EHBP1: variants seen among roughly 807,000 people sequenced by gnomAD.
EHBP1 encodes EH domain binding protein 1.
In EHBP1, 55 loss-of-function variants were observed where a neutral mutation model predicts 144.0. The ratio of observed to expected loss-of-function variants is 0.38; its 90% CI spans 0.31 to 0.48. The LOEUF (loss-of-function observed/expected upper bound fraction) is 0.48, where lower values mean the gene tolerates loss of function less well. Among genes scored for constraint, EHBP1 ranks in the 20% least tolerant of loss-of-function variants. The pLI is 0.98. For synonymous variants in EHBP1, 469 were observed against 472.7 expected (o/e 0.99, Z 0.10); for missense variants, 1,200 against 1,364.2 (o/e 0.88, Z 1.90).
chr2:62,830,212 A>ACG (rs2046729252), intron 6 of EHBP1, among the ~76,000 whole-genome samples: 2 of 22,716 alleles, frequency 8.8e-5, no homozygotes, highest in Admixed American at 1.0e-3. Context: ...ATACACATAT[A>ACG]CACACACACA....
intron 5 of EHBP1, among the ~76,000 whole-genome samples, chr2:62,785,184 T>C (rs2042717549): frequency 6.6e-6 from 1 of 152,160 alleles, no homozygotes; most frequent in East Asian, 1.9e-4. Context: ...TTTAGAATGC[T>C]GTTTGCAAAC....
At chr2:62,981,332 G>A (rs1026603919) in intron 15 of EHBP1, among the ~76,000 whole-genome samples, 1 of 152,008 alleles carries the variant, frequency 6.6e-6, no homozygotes, top group South Asian at 2.1e-4. Context: ...TTATATCTTT[G>A]AGTCATGGAA....
intron 5 of EHBP1, among the ~76,000 whole-genome samples, chr2:62,782,485 C>T (rs376186418): frequency 6.6e-6 from 1 of 152,022 alleles, no homozygotes; most frequent in Admixed American, 6.6e-5. Context: ...TAAAGACATA[C>T]CTGAGACTGG....
intron 5 of EHBP1, among the ~76,000 whole-genome samples, chr2:62,797,012 A>G (rs1483829858): frequency 2.0e-5 from 3 of 152,182 alleles, no homozygotes; most frequent in African/African-American, 4.8e-5. Flanking sequence ...TTGGAGCCCT[A>G]TGAAAGGATC....
chr2:62,897,883 C>T (rs1163293052), intron 10 of EHBP1, among the ~76,000 whole-genome samples: 2 of 152,086 alleles, frequency 1.3e-5, no homozygotes, highest in Non-Finnish European at 2.9e-5. Flanking sequence ...TGGAAATGTT[C>T]TGTATCTGCA....
chr2:62,991,738 C>T (rs2059422594), intron 16 of EHBP1, among the ~76,000 whole-genome samples: 1 of 152,198 alleles, frequency 6.6e-6, no homozygotes, highest in South Asian at 2.1e-4. Context: ...AGGGCACTTC[C>T]AGTCCTGTAT....
chr2:62,985,589 TA>T (rs1435374659), intron 15 of EHBP1, among the ~76,000 whole-genome samples: 1 of 152,174 alleles, frequency 6.6e-6, no homozygotes, highest in Non-Finnish European at 1.5e-5. Flanking sequence ...AGGCTCTCTA[TA>T]GTTTTGCCTT....
At chr2:62,820,968 A>G (rs1309296877) in intron 5 of EHBP1, among the ~76,000 whole-genome samples, 1 of 151,144 alleles carries the variant, frequency 6.6e-6, no homozygotes, top group Non-Finnish European at 1.5e-5. Flanking sequence ...AGTATAGGAT[A>G]TTCATTTTAT....
intron 5 of EHBP1, among the ~76,000 whole-genome samples, chr2:62,793,134 A>T (rs974931160): frequency 1.3e-5 from 2 of 152,098 alleles, no homozygotes; most frequent in African/African-American, 4.8e-5. Context: ...AGGGTAGATT[A>T]AGTTCATAAA....
At chr2:62,812,783 C>A (rs1054740887) in intron 5 of EHBP1, among the ~76,000 whole-genome samples, 1 of 151,890 alleles carries the variant, frequency 6.6e-6, no homozygotes, top group African/African-American at 2.4e-5. Context: ...CTTTTCACTG[C>A]GTGTAGTGAG....
chr2:63,025,981 G>A (rs950261648), intron 19 of EHBP1, among the ~76,000 whole-genome samples: 2 of 152,154 alleles, frequency 1.3e-5, no homozygotes, highest in Admixed American at 6.5e-5. Flanking sequence ...TGGGTAATGC[G>A]TAGTTGATGG....
intron 5 of EHBP1, among the ~76,000 whole-genome samples, chr2:62,784,510 G>A (rs1328101996): frequency 6.6e-6 from 1 of 152,174 alleles, no homozygotes; most frequent in Non-Finnish European, 1.5e-5. Flanking sequence ...GGATGCTAAA[G>A]AGGCAGGTGG....
intron 20 of EHBP1, 47 bp from the exon 21 acceptor site, chr2:63,038,696 A>G (rs2153366043): frequency 6.5e-7 from 1 of 1,545,028 alleles, no homozygotes; most frequent in South Asian, 1.1e-5. Context: ...TTAAGTTTTT[A>G]ATGATTTAGT....
At chr2:62,836,453 A>G (rs1248833573) in intron 7 of EHBP1, among the ~76,000 whole-genome samples, 3 of 141,214 alleles carry the variant, frequency 2.1e-5, no homozygotes, top group African/African-American at 8.0e-5. Context: ...CTCCAAAGGA[A>G]CGCAGTTCCT....
At chr2:62,754,953 T>G (rs2040133558) in intron 3 of EHBP1, among the ~76,000 whole-genome samples, 1 of 152,198 alleles carries the variant, frequency 6.6e-6, no homozygotes. Flanking sequence ...GGCAATGCCT[T>G]GCCCTGCTTC....
chr2:62,971,712 A>T (rs1055598584), intron 14 of EHBP1, among the ~76,000 whole-genome samples: 1 of 152,208 alleles, frequency 6.6e-6, no homozygotes, highest in African/African-American at 2.4e-5. Flanking sequence ...AGTTGTAAGG[A>T]GTAAATGAGA....
intron 5 of EHBP1, among the ~76,000 whole-genome samples, chr2:62,792,304 G>T (rs1027512219): frequency 6.6e-6 from 1 of 152,040 alleles, no homozygotes. Context: ...ATGTTCTACA[G>T]TCCAGATATA....
chr2:62,925,597 A>C (rs777656413), intron 10 of EHBP1, among the ~76,000 whole-genome samples: 1 of 152,198 alleles, frequency 6.6e-6, no homozygotes, highest in East Asian at 1.9e-4. Context: ...CAAAATTTGT[A>C]TATTAAAATC....
chr2:62,864,906 A>T lies in EHBP1; in HGVS notation c.933A>T (p.Arg311Ser). 2 of 1,613,996 alleles carry T rather than the reference A, an allele frequency of 1.2e-6. No homozygotes were observed. The highest frequency in any genetic ancestry group is 1.1e-5 in the South Asian group (1 of 91,078). Residue 311 changes from arginine (R) to serine (S), a missense_variant, in exon 9 of 23, where the codon AGA becomes AGT. Around this residue, in one of 6 missense-constraint regions of EHBP1, gnomAD observed 266 missense variants for 262.4 expected, o/e 1.01. Coordinates refer to ENST00000431489, the MANE Select transcript of EHBP1 (RefSeq NM_001142616.3). The part of the protein sequence containing the change: ...PPQSTKRKNI[R>S]PVDMSKYLYA... Reference sequence around the variant, plus strand: ...AGTCTACAAAAAGAAAAAATATAAGACCTGTGGATATGAGCAAGTACCTCT... The same window carrying T: ...AGTCTACAAAAAGAAAAAATATAAGTCCTGTGGATATGAGCAAGTACCTCT...
Sources: allele counts gnomAD v4.1 joint callset (sites outside exome capture counted in the v4.1 genomes callset), GRCh38; gene constraint gnomAD v4.1.1; regional missense constraint gnomAD v4.1.1; transcripts MANE v1.5; gene names NCBI Gene and HGNC (gene_info 2026-07-23, HGNC 2026-07-21).